OTUD7A: variants seen among roughly 807,000 people sequenced by gnomAD.
OTUD7A encodes OTU deubiquitinase 7A.
OTUD7A carries 12 observed loss-of-function variants against 65.7 expected under a neutral mutation model. That is an observed-to-expected ratio of 0.18 (90% CI 0.12 to 0.30). OTUD7A has a LOEUF of 0.30. Among genes scored for constraint, OTUD7A ranks in the 10% least tolerant of loss-of-function variants. The pLI is 1.00. For missense variants in OTUD7A, 1,148 were observed against 1,304.8 expected (o/e 0.88, Z 1.85); for synonymous variants, 641 against 586.3 (o/e 1.09, Z -1.35).
At chr15:31,584,219 G>C (rs1396110734) in intron 3 of OTUD7A, among the ~76,000 whole-genome samples, 1 of 152,182 alleles carries the variant, frequency 6.6e-6, no homozygotes, top group Non-Finnish European at 1.5e-5. Flanking sequence ...AGCTCTTATA[G>C]CCATGGAGGC....
chr15:31,789,922 C>T lies in OTUD7A; in HGVS notation c.-100+80585G>A, dbSNP rs529947507. Among the ~76,000 whole-genome samples, 8 of 152,214 alleles carry T rather than the reference C, an allele frequency of 5.3e-5. No individual in the cohort carries two copies. The East Asian group carries it at 1.5e-3, about 29-fold the overall frequency. ...CTGCATTTTAACCCACCAGCCTGGC[C>T]CTACCTGCCCATCACTGCCACTGTT... On this transcript the variant is annotated intron_variant, in intron 1 of 12. Coordinates refer to ENST00000307050, the MANE Select transcript of OTUD7A (RefSeq NM_001382637.1).
rs554164301 is a variant in OTUD7A at position 31,553,944 on chromosome 15, C to A, written c.550+5025G>T. On this transcript the variant is annotated intron_variant, in intron 5 of 12. Coordinates refer to ENST00000307050, the MANE Select transcript of OTUD7A (RefSeq NM_001382637.1). ...CCGGCTCAAAACCCTCCAGGGGCTG[C>A]TTATCTACCTTCAGTGAAGCCTAAA... 3.3e-5 allele frequency among the ~76,000 whole-genome samples: 5 copies of A among 152,294 alleles called. No individual in the cohort carries two copies. In the East Asian group the frequency reaches 9.7e-4, roughly 29 times the overall value.
At chr15:31,827,324 G>A (rs571512875) in intron 1 of OTUD7A, among the ~76,000 whole-genome samples, 108 of 152,294 alleles carry the variant, frequency 7.1e-4, no homozygotes, top group African/African-American at 2.5e-3. Flanking sequence ...AGAGAATGAC[G>A]AAGACGCAAA....
chr15:31,754,192 T>G (rs1894744926), intron 1 of OTUD7A, among the ~76,000 whole-genome samples: 1 of 152,188 alleles, frequency 6.6e-6, no homozygotes, highest in Admixed American at 6.5e-5. Flanking sequence ...TACATGTCCT[T>G]AGCCTACTTT....
At chr15:31,772,006 A>C (rs1337717554) in intron 1 of OTUD7A, among the ~76,000 whole-genome samples, 1 of 152,004 alleles carries the variant, frequency 6.6e-6, no homozygotes, top group Non-Finnish European at 1.5e-5. Context: ...TAATCCCAGC[A>C]CTTTGGGAGG....
intron 1 of OTUD7A, among the ~76,000 whole-genome samples, chr15:31,841,578 A>G (rs1167923980): frequency 1.3e-5 from 2 of 152,124 alleles, no homozygotes; most frequent in Non-Finnish European, 2.9e-5. Flanking sequence ...ATAGCAAGAA[A>G]AAGTTAATGG....
intron 8 of OTUD7A, among the ~76,000 whole-genome samples, chr15:31,505,602 A>C (rs1306794212): frequency 1.2e-4 from 19 of 152,024 alleles, no homozygotes; most frequent in Admixed American, 1.2e-3. Flanking sequence ...AAGAGAAGTA[A>C]TTTTTCGAAT....
chr15:31,610,617 A>ATATATATATATATATTTTTTTTT, intron 3 of OTUD7A, among the ~76,000 whole-genome samples: 1 of 30,562 alleles, frequency 3.3e-5, no homozygotes, highest in African/African-American at 1.7e-4. Context: ...ATATATATAT[A>ATATATATATATATATTTTTTTTT]TTTTTTTTTT....
intron 1 of OTUD7A, among the ~76,000 whole-genome samples, chr15:31,798,175 G>T (rs967548231): frequency 1.3e-5 from 2 of 152,100 alleles, no homozygotes; most frequent in South Asian, 2.1e-4. Flanking sequence ...AAGGTATTGG[G>T]TAACGTTAGG....
chr15:31,567,331 G>T (rs1888907411), intron 4 of OTUD7A, among the ~76,000 whole-genome samples: 1 of 152,222 alleles, frequency 6.6e-6, no homozygotes, highest in African/African-American at 2.4e-5. Flanking sequence ...TGAACTTGAT[G>T]ATTTAGGGTA....
intron 1 of OTUD7A, among the ~76,000 whole-genome samples, chr15:31,683,488 T>C (rs1566973548): frequency 6.6e-6 from 1 of 152,170 alleles, no homozygotes; most frequent in Non-Finnish European, 1.5e-5. Flanking sequence ...CTGGGGACAA[T>C]TTATGTGTAG....
At chr15:31,611,589 C>G (rs1200469079) in intron 3 of OTUD7A, among the ~76,000 whole-genome samples, 1 of 152,040 alleles carries the variant, frequency 6.6e-6, no homozygotes, top group Non-Finnish European at 1.5e-5. Flanking sequence ...AAAAATACAA[C>G]CCTCAGCTTA....
At chr15:31,787,880 T>A in intron 1 of OTUD7A, 1 of 152,176 alleles carries the variant, frequency 6.6e-6, no homozygotes, top group Non-Finnish European at 1.5e-5. Context: ...TAGGAATATA[T>A]CTAACATAGG....
intron 1 of OTUD7A, among the ~76,000 whole-genome samples, chr15:31,736,008 G>T (rs1894181381): frequency 6.6e-6 from 1 of 152,162 alleles, no homozygotes; most frequent in Admixed American, 6.5e-5. Flanking sequence ...GGAGCTAAAT[G>T]ATGAGAATAC....
intron 3 of OTUD7A, among the ~76,000 whole-genome samples, chr15:31,578,630 C>A (rs988778786): frequency 6.6e-6 from 1 of 151,892 alleles, no homozygotes; most frequent in Non-Finnish European, 1.5e-5. Flanking sequence ...CAGCTCACTG[C>A]AATCTCTGCC....
In OTUD7A at chr15:31,479,108, C is replaced by T. The variant is rs1319803282; in HGVS notation, c.*4186G>A. On this transcript the variant is annotated 3_prime_UTR_variant, in exon 13 of 13. Transcript: ENST00000307050. The stretch of plus-strand genomic sequence containing the variant: ...GTGGTGCCTCAGATCTCTAGAGAGC[C>T]ACCACTTTAAGGCGTTTTGGAAGGG... The T allele has an allele frequency of 6.6e-6, 1 of 152,258 alleles. No homozygotes were observed. Among genetic ancestry groups the T allele is most frequent in the Non-Finnish European group, 1.5e-5 (1 of 68,098 alleles). 9.4% of individuals were successfully genotyped at this position (152,258 alleles called of 1,614,324 possible).
chr15:31,583,177 G>A (rs548180206), intron 3 of OTUD7A, among the ~76,000 whole-genome samples: 1 of 152,336 alleles, frequency 6.6e-6, no homozygotes, highest in African/African-American at 2.4e-5. Context: ...CTGCAGCACT[G>A]CAGGAGAGAA....
chr15:31,589,339 A>G (rs1332978122), intron 3 of OTUD7A, among the ~76,000 whole-genome samples: 5 of 150,000 alleles, frequency 3.3e-5, no homozygotes. Flanking sequence ...TTACTCTGTC[A>G]CACAGGCTGG....
At chr15:31,817,277 C>CG (rs924007348) in intron 1 of OTUD7A, among the ~76,000 whole-genome samples, 102 of 145,238 alleles carry the variant, frequency 7.0e-4, no homozygotes, top group Non-Finnish European at 1.2e-3. Context: ...GATCATTTGC[C>CG]CCCCCCCATC....
Sources: gnomAD v4.1 joint callset for allele counts (sites outside exome capture counted in the v4.1 genomes callset) on GRCh38, gnomAD v4.1.1 for gene constraint, MANE v1.5 for transcripts, NCBI Gene and HGNC (gene_info 2026-07-23, HGNC 2026-07-21) for gene names.